Variants in MGAT4C observed in about 807,000 individuals in gnomAD.
MGAT4C encodes MGAT4 family member C.
In MGAT4C, 19 loss-of-function variants were observed where a neutral mutation model predicts 40.1. The ratio of observed to expected loss-of-function variants is 0.47; its 90% CI spans 0.33 to 0.70. The LOEUF (loss-of-function observed/expected upper bound fraction) is 0.70. Among genes scored for constraint, MGAT4C ranks in the 30% least tolerant of loss-of-function variants. The probability of loss-of-function intolerance (pLI) is 0.02; values close to 1 mark genes in which losing one functional copy is unlikely to be tolerated. For synonymous variants in MGAT4C, 181 were observed against 187.1 expected, an observed-to-expected ratio of 0.97 and a Z score of 0.27; for missense variants, 491 against 563.2, an observed-to-expected ratio of 0.87 and a Z score of 1.30.
rs955976719 is a variant in MGAT4C at position 86,213,917 on chromosome 12, T to A, written c.-57+42322A>T. ...CCATCACACCTTTACTTTAAACTGC[T>A]TCCTGCATCTATTGTATGCCCATAA... On this transcript the variant is annotated intron_variant, in intron 1 of 4. Coordinates refer to ENST00000611864, the MANE Select transcript of MGAT4C (RefSeq NM_001351288.2). Among the ~76,000 whole-genome samples, 6 of 152,348 alleles carry A rather than the reference T, an allele frequency of 3.9e-5. No homozygotes were observed. In the East Asian group the frequency reaches 1.2e-3, roughly 29 times the overall value.
At chr12:86,362,304 A>T (rs1265909666) in intron 3 of MGAT4C, among the ~76,000 whole-genome samples, 1 of 151,856 alleles carries the variant, frequency 6.6e-6, no homozygotes, top group Admixed American at 6.6e-5. Flanking sequence ...ACTTGGACAC[A>T]GGGTGGGGAA....
intron 2 of MGAT4C, among the ~76,000 whole-genome samples, chr12:86,694,230 T>C (rs1254841739): frequency 6.6e-6 from 1 of 152,190 alleles, no homozygotes; most frequent in Non-Finnish European, 1.5e-5. Context: ...TCTACATCAA[T>C]TACCCTTTGT....
At chr12:86,655,012 G>A (rs749924150) in intron 2 of MGAT4C, among the ~76,000 whole-genome samples, 1 of 151,840 alleles carries the variant, frequency 6.6e-6, no homozygotes, top group Admixed American at 6.6e-5. Context: ...TTTTGCTCTT[G>A]ACTTATACGT....
intron 2 of MGAT4C, among the ~76,000 whole-genome samples, chr12:86,014,200 A>C (rs2136832698): frequency 6.6e-6 from 1 of 152,264 alleles, no homozygotes; most frequent in South Asian, 2.1e-4. Flanking sequence ...CCATAATCAA[A>C]GTTCCGGTTA....
At chr12:86,389,656 A>C (rs1313347529) in intron 3 of MGAT4C, among the ~76,000 whole-genome samples, 1 of 152,212 alleles carries the variant, frequency 6.6e-6, no homozygotes, top group Admixed American at 6.5e-5. Context: ...TTACCCTAAC[A>C]GTGTATAACC....
chr12:86,090,514 A>C (rs1362735129), intron 1 of MGAT4C, among the ~76,000 whole-genome samples: 1 of 151,774 alleles, frequency 6.6e-6, no homozygotes, highest in African/African-American at 2.4e-5. Context: ...TTGAGTGTAA[A>C]TATTAATGTT....
chr12:86,777,580 A>C (rs1446207985), intron 1 of MGAT4C, among the ~76,000 whole-genome samples: 1 of 152,196 alleles, frequency 6.6e-6, no homozygotes, highest in East Asian at 1.9e-4. Flanking sequence ...AAATGTACCA[A>C]GTAGTCTTTG....
rs748391664 is a variant in MGAT4C, at chr12:85,961,002, C to A, written c.*18287G>T. 1 of 152,066 alleles carries A rather than the reference C, an allele frequency of 6.6e-6. No individual in the cohort carries two copies. Among genetic ancestry groups the A allele is most frequent in the Middle Eastern group, 3.4e-3 (1 of 294 alleles). The allele number at this position is 152,066 out of a possible 1,614,324, so 9.4% of individuals were successfully genotyped here. On this transcript the variant is annotated 3_prime_UTR_variant, in exon 5 of 5. Transcript: ENST00000611864. ...GACAGTCAACTTACTATTTAAAAAA[C>A]AAAGTCAGTCACCTAAATGACTTTC...
intron 1 of MGAT4C, among the ~76,000 whole-genome samples, chr12:86,760,237 C>T (rs1593180064): frequency 6.6e-6 from 1 of 152,120 alleles, no homozygotes; most frequent in Admixed American, 6.6e-5. Flanking sequence ...TGAAAGTAGA[C>T]CCTTATCTCT....
chr12:86,628,269 G>A (rs745678301), intron 2 of MGAT4C, among the ~76,000 whole-genome samples: 16 of 152,196 alleles, frequency 1.1e-4, no homozygotes, highest in Non-Finnish European at 1.5e-5. Context: ...ATCTACATTT[G>A]ATTGGTGTAC....
rs1458575459 is a variant in MGAT4C, at chr12:86,188,636, T to A, written c.-57+67603A>T. ...AACTCTATACAAGTTGTATTAGATG[T>A]GATATTTTGGAAGTTTGAACAATTG... On this transcript the variant is annotated intron_variant, in intron 1 of 4. Coordinates refer to ENST00000611864, the MANE Select transcript of MGAT4C (RefSeq NM_001351288.2). 5.3e-5 allele frequency among the ~76,000 whole-genome samples: 8 copies of A among 152,034 alleles called. No individual in the cohort carries two copies. In the East Asian group the frequency reaches 1.3e-3, roughly 26 times the overall value.
rs577193920 is a variant in MGAT4C, at chr12:86,827,462, C to T, written c.-262+11204G>A. On this transcript the variant is annotated intron_variant, in intron 1 of 7. Transcript: ENST00000548651. ...ATATCTGTTGGATATTGAACAATAACTACCAGGTCAGAATCAAAAGGAAAA... is the reference window on the plus strand; with the variant it reads ...ATATCTGTTGGATATTGAACAATAATTACCAGGTCAGAATCAAAAGGAAAA... Among the ~76,000 whole-genome samples, 3 of 151,470 alleles carry T rather than the reference C, an allele frequency of 2.0e-5. No homozygotes were observed. In the South Asian group the frequency reaches 6.2e-4, roughly 31 times the overall value.
At chr12:86,106,242 C>T (rs1479240701) in intron 1 of MGAT4C, among the ~76,000 whole-genome samples, 3 of 151,980 alleles carry the variant, frequency 2.0e-5, no homozygotes, top group African/African-American at 7.3e-5. Flanking sequence ...TATTTCTCTT[C>T]TCTTTTTTTC....
intron 2 of MGAT4C, among the ~76,000 whole-genome samples, chr12:86,491,832 A>G (rs1244298454): frequency 5.3e-5 from 8 of 152,100 alleles, no homozygotes; most frequent in Non-Finnish European, 1.2e-4. Flanking sequence ...AGGGTATTCA[A>G]TCAGGAAAAG....
At position 85,976,793 on chromosome 12, in the gene MGAT4C, C is replaced by G. The variant is rs1461942220; in HGVS notation, c.*2496G>C. 2 of 149,892 alleles carry G rather than the reference C, an allele frequency of 1.3e-5. No individual in the cohort carries two copies. Among genetic ancestry groups the G allele is most frequent in the Non-Finnish European group, 3.0e-5 (2 of 67,044 alleles). 9.3% of individuals were successfully genotyped at this position (149,892 alleles called of 1,614,324 possible). ...TAACTGTACTTTTGTTTCTATGCCT[C>G]TGAGACAAGATTACTAGACCCTTAT... On this transcript the variant is annotated 3_prime_UTR_variant, in exon 5 of 5. Transcript: ENST00000611864.
chr12:86,656,982 T>G (rs1204902112), intron 2 of MGAT4C, among the ~76,000 whole-genome samples: 3 of 152,064 alleles, frequency 2.0e-5, no homozygotes, highest in African/African-American at 7.2e-5. Flanking sequence ...ACCAGAAATG[T>G]CACTTACATG....
intron 1 of MGAT4C, among the ~76,000 whole-genome samples, chr12:86,816,555 A>C (rs1420262695): frequency 6.6e-6 from 1 of 151,874 alleles, no homozygotes; most frequent in Non-Finnish European, 1.5e-5. Flanking sequence ...AGCAAAATTA[A>C]GTGTTCTAGA....
At chr12:85,993,328 G>T (rs566805318) in intron 2 of MGAT4C, among the ~76,000 whole-genome samples, 1 of 152,204 alleles carries the variant, frequency 6.6e-6, no homozygotes, top group Non-Finnish European at 1.5e-5. Flanking sequence ...AAGAATGGCA[G>T]TGCCATTGGA....
chr12:86,444,559 C>T (rs145776910), intron 2 of MGAT4C, among the ~76,000 whole-genome samples: 51 of 152,260 alleles, frequency 3.3e-4, no homozygotes, highest in Non-Finnish European at 6.9e-4. Context: ...AATTCAAACA[C>T]GGCAAAATAG....
Sources: allele counts gnomAD v4.1 joint callset (sites outside exome capture counted in the v4.1 genomes callset), GRCh38; gene constraint gnomAD v4.1.1; transcripts MANE v1.5; gene names NCBI Gene and HGNC (gene_info 2026-07-23, HGNC 2026-07-21).